The following ABCC12 variants were observed in gnomAD, a reference collection of about 807,000 sequenced individuals.
ABCC12 encodes ATP-binding cassette sub-family C member 12.
Under a neutral mutation model 151.1 loss-of-function variants are expected in ABCC12, and 142 were observed. The ratio of observed to expected loss-of-function variants is 0.94; its 90% CI spans 0.82 to 1.08. ABCC12 has a LOEUF of 1.08. Among genes scored for constraint, ABCC12 ranks in the 50% least tolerant of loss-of-function variants. The probability of loss-of-function intolerance (pLI) is 0.00; values close to 1 mark genes in which losing one functional copy is unlikely to be tolerated. For missense variants in ABCC12, 1,638 were observed against 1,691.1 expected, an observed-to-expected ratio of 0.97 and a Z score of 0.55; for synonymous variants, 645 against 646.4, an observed-to-expected ratio of 1.00 and a Z score of 0.03.
chr16:48,103,769 C>T (rs942091066), intron 22 of ABCC12, among the ~76,000 whole-genome samples: 2 of 152,186 alleles, frequency 1.3e-5, no homozygotes, highest in Non-Finnish European at 2.9e-5. Flanking sequence ...ACCCCCGCCC[C>T]GACACTGTGC....
intron 7 of ABCC12, 39 bp downstream of exon 7, chr16:48,139,124 A>C: frequency 1.9e-6 from 3 of 1,540,808 alleles, no homozygotes; most frequent in Non-Finnish European, 2.6e-6. Context: ...TGTGAAATGC[A>C]AATACAAAGC....
intron 2 of ABCC12, among the ~76,000 whole-genome samples, chr16:48,147,838 C>G (rs1965050483): frequency 6.6e-6 from 1 of 152,168 alleles, no homozygotes; most frequent in Non-Finnish European, 1.5e-5. Context: ...GATAAATCCC[C>G]CAACGTGGAA....
chr16:48,088,650 C>T lies in ABCC12; in HGVS notation c.3370G>A (p.Asp1124Asn). Residue 1124 changes from aspartate to asparagine, a missense_variant, in exon 26 of 31, where the codon GAC becomes AAC. By Grantham distance (23) the Asp-to-Asn change is conservative. Coordinates refer to ENST00000311303, the MANE Select transcript of ABCC12 (RefSeq NM_001393797.1). ...TTGTCTCTGTATCTCATCTGATAGT[C>T]TCTGAAGGTGATCTCCCCACGGCTG... Reference protein sequence around the residue: ...WPSRGEITFRDYQMRYRDNTP... With the variant: ...WPSRGEITFRNYQMRYRDNTP... The T allele has an allele frequency of 6.2e-7, 1 of 1,614,212 alleles. No individual in the cohort carries two copies. Among genetic ancestry groups the T allele is most frequent in the South Asian group, 1.1e-5 (1 of 91,084 alleles).
chr16:48,111,366 C>T, intron 18 of ABCC12, 70 bp downstream of exon 18: 1 of 1,536,242 alleles, frequency 6.5e-7, no homozygotes, highest in Non-Finnish European at 9.0e-7. Context: ...TCTACACTGT[C>T]TGTATCCCAA....
At position 48,104,648 on chromosome 16, in the gene ABCC12, GCT is replaced by G. The variant is rs1963424227; in HGVS notation, c.2674-282_2674-281del. On this transcript the variant is annotated intron_variant, in intron 21 of 30. Coordinates refer to ENST00000311303, the MANE Select transcript of ABCC12 (RefSeq NM_001393797.1). Reference sequence around the variant, plus strand: ...TGGGATGCAGCCTGAGACGGGAGAGGCTGATGCCTTTGTCGGAGGAAGGAATT... The same window carrying G: ...TGGGATGCAGCCTGAGACGGGAGAGGGATGCCTTTGTCGGAGGAAGGAATT... 2.0e-5 allele frequency among the ~76,000 whole-genome samples: 3 copies of G among 152,212 alleles called. No individual in the cohort carries two copies. In the South Asian group the frequency reaches 6.2e-4, roughly 32 times the overall value.
At chr16:48,096,210 G>A (rs1243485436) in intron 24 of ABCC12, among the ~76,000 whole-genome samples, 2 of 152,156 alleles carry the variant, frequency 1.3e-5, no homozygotes, top group Non-Finnish European at 2.9e-5. Context: ...TCAATATTAT[G>A]ACTGTCTCCC....
At chr16:48,098,496 CCT>C (rs1477998318) in intron 23 of ABCC12, among the ~76,000 whole-genome samples, 1 of 152,170 alleles carries the variant, frequency 6.6e-6, no homozygotes, top group Non-Finnish European at 1.5e-5. Context: ...GCCCTCTCCT[CCT>C]CTCTGTTTCA....
At chr16:48,089,098 G>C (rs958607536) in intron 25 of ABCC12, among the ~76,000 whole-genome samples, 1 of 152,228 alleles carries the variant, frequency 6.6e-6, no homozygotes, top group Non-Finnish European at 1.5e-5. Flanking sequence ...ATCAAGTCCA[G>C]AGCCCTCCAG....
At chr16:48,145,259 C>A (rs1321640257) in intron 3 of ABCC12, among the ~76,000 whole-genome samples, 1 of 152,210 alleles carries the variant, frequency 6.6e-6, no homozygotes, top group Non-Finnish European at 1.5e-5. Context: ...TATAGAGTTG[C>A]CACTTGGCCT....
In ABCC12 at chr16:48,115,428, G is replaced by T; in HGVS notation, c.1976C>A (p.Thr659Asn). The change falls in exon 15 of 31, where the codon ACC becomes AAC. Residue 659 changes from threonine to asparagine, a missense_variant. Transcript: ENST00000311303. Reference protein sequence around the residue: ...TLRGKTVVLVTHQLQFLESCD... With the variant: ...TLRGKTVVLVNHQLQFLESCD... ...ATGTCCCATCACCTGTAGCTGGTGG[G>T]TCACCAGGACGACTGTCTTTCCCCT... The T allele has an allele frequency of 2.5e-6, 4 of 1,614,088 alleles. No individual in the cohort carries two copies. The highest frequency in any genetic ancestry group is 3.4e-6 in the Non-Finnish European group (4 of 1,179,998).
intron 15 of ABCC12, among the ~76,000 whole-genome samples, chr16:48,113,002 C>G (rs1041711836): frequency 1.3e-5 from 2 of 152,138 alleles, no homozygotes; most frequent in African/African-American, 2.4e-5. Flanking sequence ...GAGCTCTCCC[C>G]CCAGGATCAA....
At chr16:48,083,837 A>G (rs767161412) in intron 30 of ABCC12, 36 bp from the exon 31 acceptor site, 1 of 1,614,114 alleles carries the variant, frequency 6.2e-7, no homozygotes, top group Non-Finnish European at 8.5e-7. Context: ...AATCATCGGA[A>G]AATATCTACC....
intron 7 of ABCC12, 74 bp from the exon 8 acceptor site, chr16:48,138,449 G>T: frequency 6.7e-7 from 1 of 1,502,608 alleles, no homozygotes; most frequent in Non-Finnish European, 9.0e-7. Context: ...CCAGAAATGG[G>T]AGTGTAAGTG....
chr16:48,135,850 T>G (rs576098485), intron 8 of ABCC12, among the ~76,000 whole-genome samples: 1 of 152,098 alleles, frequency 6.6e-6, no homozygotes, highest in East Asian at 1.9e-4. Flanking sequence ...GCTCACAAAT[T>G]ACATTCAAGC....
At chr16:48,132,532 A>AT (rs1223435089) in intron 9 of ABCC12, among the ~76,000 whole-genome samples, 3 of 150,912 alleles carry the variant, frequency 2.0e-5, no homozygotes, top group Non-Finnish European at 3.0e-5. Context: ...TCTCTCTCTC[A>AT]TTTTTTTGTT....
At position 48,141,220 on chromosome 16, in the gene ABCC12, C is replaced by T. The variant is rs747246064; in HGVS notation, c.409G>A (p.Ala137Thr). 3.1e-6 allele frequency: 5 copies of T among 1,613,796 alleles called. No individual in the cohort carries two copies. The South Asian group carries it at 3.3e-5, about 11-fold the overall frequency. Residue 137 changes from alanine to threonine, a missense_variant, in exon 5 of 31, where the codon GCA (alanine) becomes ACA (threonine). Coordinates refer to ENST00000311303, the MANE Select transcript of ABCC12 (RefSeq NM_001393797.1). ...IVANILCIIM[A>T]AIGPTVLIHQ... ...GCCGCACTCACCGGCCCTATGGCTG[C>T]CATGATGATGCACAGGATGTTGGCC... is the stretch of plus-strand genomic sequence containing the variant.
chr16:48,124,305 G>C, intron 11 of ABCC12, 21 bp from the exon 12 acceptor site: 1 of 1,611,426 alleles, frequency 6.2e-7, no homozygotes, highest in Non-Finnish European at 8.5e-7. Flanking sequence ...AACAGAGATG[G>C]GACACAGTCA....
rs1337093324 is a variant in ABCC12, at chr16:48,109,553, G to GGAAAAGCTTTCCTGT, written c.2282-1025_2282-1024insACAGGAAAGCTTTTC. The stretch of plus-strand genomic sequence containing the variant: ...TAGAAGAGGGGGCACCCCACATACA[G>GGAAAAGCTTTCCTGT]ACTGTGCACTCTGGCCCAACAGGAA... On this transcript the variant is annotated intron_variant, in intron 18 of 30. Coordinates refer to ENST00000311303, the MANE Select transcript of ABCC12 (RefSeq NM_001393797.1). Among the ~76,000 whole-genome samples, 433 of 152,346 alleles carry GGAAAAGCTTTCCTGT rather than the reference G, an allele frequency of 2.8e-3. 4 individuals are homozygous for GGAAAAGCTTTCCTGT. Among genetic ancestry groups the GGAAAAGCTTTCCTGT allele is most frequent in the African/African-American group, 9.9e-3 (412 of 41,584 alleles).
chr16:48,094,657 T>C (rs1203632929), intron 24 of ABCC12, among the ~76,000 whole-genome samples: 1 of 152,206 alleles, frequency 6.6e-6, no homozygotes. Flanking sequence ...CACATAAACA[T>C]GATTTTCTCT....
Sources: allele counts gnomAD v4.1 joint callset (sites outside exome capture counted in the v4.1 genomes callset), GRCh38; gene constraint gnomAD v4.1.1; transcripts MANE v1.5; gene names NCBI Gene and HGNC (gene_info 2026-07-23, HGNC 2026-07-21).